Variants in MYO3B observed in about 807,000 individuals in gnomAD.
MYO3B encodes myosin IIIB, also known as myosin-IIIb.
MYO3B carries 156 observed loss-of-function variants against 174.6 expected under a neutral mutation model. The observed-to-expected ratio is 0.89, with a 90% confidence interval of 0.78 to 1.02. The LOEUF (loss-of-function observed/expected upper bound fraction) is 1.02. Ranked by LOEUF, MYO3B falls within the 50% of genes least tolerant of loss-of-function variation. MYO3B has a pLI of 0.00. For missense variants in MYO3B, 1,632 were observed against 1,639.4 expected (o/e 1.00, Z 0.08); for synonymous variants, 563 against 569.1 (o/e 0.99, Z 0.15).
At chr2:170,487,314 C>T (rs990877397) in intron 25 of MYO3B, among the ~76,000 whole-genome samples, 2 of 152,190 alleles carry the variant, frequency 1.3e-5, no homozygotes, top group Non-Finnish European at 2.9e-5. Flanking sequence ...TTATCCTTAT[C>T]CAAAATGATG....
chr2:170,467,741 G>A (rs1167196562), intron 25 of MYO3B, among the ~76,000 whole-genome samples: 1 of 150,202 alleles, frequency 6.7e-6, no homozygotes, highest in Non-Finnish European at 1.5e-5. Flanking sequence ...TCTCAGGAGA[G>A]GATGAGTCAT....
chr2:170,328,654 A>G lies in MYO3B; in HGVS notation c.750-6731A>G, dbSNP rs537483839. ...GTAAGCCATTTCAGCCTTCTTTCTA[A>G]TAGTAACAAAAACAGAAACAACCTA... On this transcript the variant is annotated intron_variant, in intron 7 of 34. Coordinates refer to ENST00000408978, the MANE Select transcript of MYO3B (RefSeq NM_138995.5). 4.6e-5 allele frequency among the ~76,000 whole-genome samples: 7 copies of G among 152,314 alleles called. 1 individual carries two copies. In the South Asian group the frequency reaches 1.5e-3, roughly 32 times the overall value.
chr2:170,296,925 G>A (rs982574636), intron 7 of MYO3B, among the ~76,000 whole-genome samples: 3 of 152,082 alleles, frequency 2.0e-5, no homozygotes, highest in East Asian at 1.9e-4. Context: ...TTACTCTTGC[G>A]ATGACAGCAT....
rs191570424 is a variant in MYO3B, at chr2:170,625,404, G to A, written c.3734-26224G>A. Among the ~76,000 whole-genome samples the A allele has an allele frequency of 3.9e-5, 6 of 152,272 alleles. No homozygotes were observed. The East Asian group carries it at 7.7e-4, about 20-fold the overall frequency. On this transcript the variant is annotated intron_variant, in intron 32 of 34. Coordinates refer to ENST00000408978, the MANE Select transcript of MYO3B (RefSeq NM_138995.5). Reference sequence around the variant, plus strand: ...GGTAGTTTGTATTTCTGTGGGATCCGTGGTGATATGCCCTTTATCACATCT... The same window carrying A: ...GGTAGTTTGTATTTCTGTGGGATCCATGGTGATATGCCCTTTATCACATCT...
intron 8 of MYO3B, chr2:170,343,970 A>C (rs987051890): frequency 1.3e-5 from 2 of 152,256 alleles, no homozygotes; most frequent in Non-Finnish European, 2.9e-5. Flanking sequence ...CTCACTTGAA[A>C]TCAGCTGGGA....
intron 1 of MYO3B, among the ~76,000 whole-genome samples, chr2:170,184,705 C>A (rs2092442399): frequency 6.6e-6 from 1 of 152,090 alleles, no homozygotes; most frequent in Non-Finnish European, 1.5e-5. Context: ...GTGTACCTAG[C>A]AGTGGGATTG....
intron 1 of MYO3B, among the ~76,000 whole-genome samples, chr2:170,189,216 T>C (rs1314136110): frequency 6.6e-6 from 1 of 152,186 alleles, no homozygotes; most frequent in Non-Finnish European, 1.5e-5. Context: ...TCTTTGTATG[T>C]AATTTGTCAT....
intron 7 of MYO3B, among the ~76,000 whole-genome samples, chr2:170,271,791 C>T (rs559625934): frequency 6.6e-6 from 1 of 152,254 alleles, no homozygotes; most frequent in African/African-American, 2.4e-5. Flanking sequence ...TGAATTCTTC[C>T]TTTATGCCCA....
Position 170,546,138 on chromosome 2 carries a change from G to A in MYO3B, c.3733+2150G>A, listed in dbSNP as rs112663694. 5.1e-3 allele frequency among the ~76,000 whole-genome samples: 768 copies of A among 151,956 alleles called. 6 individuals are homozygous for A. Among genetic ancestry groups the A allele is most frequent in the African/African-American group, 0.016 (654 of 41,430 alleles). ...TCTGCTCCACATGTCCTTCTTCCTC[G>A]TTTACTTTTCAAAATCCTCTCCATT... On this transcript the variant is annotated intron_variant, in intron 32 of 34. Transcript: ENST00000408978.
At chr2:170,377,097 C>A (rs1367358286) in intron 9 of MYO3B, among the ~76,000 whole-genome samples, 1 of 152,186 alleles carries the variant, frequency 6.6e-6, no homozygotes, top group Non-Finnish European at 1.5e-5. Context: ...TAATGAGTCA[C>A]TTTTGGGCAA....
intron 1 of MYO3B, among the ~76,000 whole-genome samples, chr2:170,181,089 G>T (rs922312904): frequency 1.3e-5 from 2 of 152,038 alleles, no homozygotes; most frequent in African/African-American, 4.8e-5. Flanking sequence ...GAACAATCTT[G>T]TATGTCTATC....
At chr2:170,648,032 A>G (rs913888886) in intron 32 of MYO3B, 1 of 152,252 alleles carries the variant, frequency 6.6e-6, no homozygotes, top group Non-Finnish European at 1.5e-5. Context: ...ACTTCACACC[A>G]GCAGCCGGAC....
chr2:170,577,259 T>A (rs186531719), intron 32 of MYO3B, among the ~76,000 whole-genome samples: 1 of 152,340 alleles, frequency 6.6e-6, no homozygotes, highest in Admixed American at 6.5e-5. Flanking sequence ...AGTGGATCGA[T>A]TAGCTCTGAT....
At chr2:170,180,776 A>G (rs6755273) in intron 1 of MYO3B, among the ~76,000 whole-genome samples, 54,158 of 152,016 alleles carry the variant, frequency 0.36, 9,768 homozygotes, top group Non-Finnish European at 0.39. Flanking sequence ...AAGGATATAC[A>G]CATACATAGA....
intron 7 of MYO3B, among the ~76,000 whole-genome samples, chr2:170,323,843 GAA>G (rs2105503040): frequency 6.6e-6 from 1 of 152,292 alleles, no homozygotes; most frequent in Admixed American, 6.5e-5. Flanking sequence ...TTAGACTGCA[GAA>G]AAATGGTCCA....
chr2:170,489,179 A>G (rs762896127), intron 25 of MYO3B, among the ~76,000 whole-genome samples: 3 of 152,146 alleles, frequency 2.0e-5, no homozygotes, highest in Non-Finnish European at 4.4e-5. Flanking sequence ...CCTTGGGCCA[A>G]TTGCCTTCTC....
At chr2:170,400,360 C>T (rs1172085066) in intron 17 of MYO3B, 46 bp downstream of exon 17, 4 of 1,587,790 alleles carry the variant, frequency 2.5e-6, no homozygotes, top group Non-Finnish European at 3.4e-6. Context: ...AAAGCACGTG[C>T]TTCTTTAGGC....
At chr2:170,523,214 A>G (rs980504438) in intron 30 of MYO3B, among the ~76,000 whole-genome samples, 1 of 152,224 alleles carries the variant, frequency 6.6e-6, no homozygotes, top group African/African-American at 2.4e-5. Context: ...ATAGCTACTC[A>G]ATAAGTTTAT....
At chr2:170,250,291 T>C (rs1444913934) in intron 7 of MYO3B, among the ~76,000 whole-genome samples, 2 of 152,224 alleles carry the variant, frequency 1.3e-5, no homozygotes, top group Non-Finnish European at 1.5e-5. Flanking sequence ...TTGTTCACAA[T>C]TGATAAGAAA....
Sources: gnomAD v4.1 joint callset for allele counts (sites outside exome capture counted in the v4.1 genomes callset) on GRCh38, gnomAD v4.1.1 for gene constraint, MANE v1.5 for transcripts, NCBI Gene and HGNC (gene_info 2026-07-23, HGNC 2026-07-21) for gene names.